Variants in EGFLAM observed in about 807,000 individuals in gnomAD.
EGFLAM encodes the protein pikachurin.
In EGFLAM, 79 loss-of-function variants were observed where a neutral mutation model predicts 113.1. That is an observed-to-expected ratio of 0.70 (90% CI 0.58 to 0.84). The LOEUF (loss-of-function observed/expected upper bound fraction) is 0.84, where lower values mean the gene tolerates loss of function less well. EGFLAM is among the 40% of genes least tolerant of loss of function. The pLI is 0.00. For synonymous variants in EGFLAM, 504 were observed against 487.6 expected (o/e 1.03, Z -0.44); for missense variants, 1,265 against 1,291.6 (o/e 0.98, Z 0.32).
chr5:38,434,998 T>A (rs1366441), intron 15 of EGFLAM, 139 bp from the exon 16 acceptor site: 91,246 of 645,058 alleles, frequency 0.14, 8,309 homozygotes, highest in African/African-American at 0.37. Context: ...AGTGAAGCCC[T>A]TGTGTAGACA....
intron 1 of EGFLAM, among the ~76,000 whole-genome samples, chr5:38,269,492 CT>C (rs372732442): frequency 0.019 from 2,644 of 137,942 alleles, 67 homozygotes; most frequent in African/African-American, 0.061. Context: ...CTTTTCTTTT[CT>C]TTTTTTTTTT....
In EGFLAM at chr5:38,358,666, C is replaced by G. The variant is rs1430434258; in HGVS notation, c.545+6335C>G. 2.0e-5 allele frequency among the ~76,000 whole-genome samples: 3 copies of G among 152,100 alleles called. No individual in the cohort carries two copies. In the East Asian group the frequency reaches 5.8e-4, roughly 29 times the overall value. ...CTCTAGTGTGAGCACTCTGAAGGCGCTCTCAGTAACTGCATCAGAGAAGAG... is the reference window on the plus strand; with the variant it reads ...CTCTAGTGTGAGCACTCTGAAGGCGGTCTCAGTAACTGCATCAGAGAAGAG... On this transcript the variant is annotated intron_variant, in intron 5 of 21. Coordinates refer to ENST00000322350, the MANE Select transcript of EGFLAM (RefSeq NM_152403.4).
chr5:38,448,175 G>A, intron 17 of EGFLAM, 126 bp from the exon 18 acceptor site: 1 of 1,041,586 alleles, frequency 9.6e-7, no homozygotes, highest in East Asian at 2.4e-5. Flanking sequence ...TGCAGCCGAA[G>A]GGAAGGGGCT....
chr5:38,440,022 A>C (rs917467064), intron 17 of EGFLAM, among the ~76,000 whole-genome samples: 1 of 152,240 alleles, frequency 6.6e-6, no homozygotes, highest in African/African-American at 2.4e-5. Context: ...ATTAGTCGTA[A>C]CAGGGATAAA....
chr5:38,358,039 T>G (rs974049188), intron 5 of EGFLAM, among the ~76,000 whole-genome samples: 1 of 149,704 alleles, frequency 6.7e-6, no homozygotes, highest in East Asian at 2.0e-4. Flanking sequence ...TCCCAGCTAC[T>G]CAGGAGGCTG....
chr5:38,396,908 C>T lies in EGFLAM; in HGVS notation c.713-9218C>T, dbSNP rs545250265. Reference sequence around the variant, plus strand: ...CTCTGGCCATCTGCTTGACTTTCCACGGCCCCGTTATCTTTAGAAAGGGAG... The same window carrying T: ...CTCTGGCCATCTGCTTGACTTTCCATGGCCCCGTTATCTTTAGAAAGGGAG... On this transcript the variant is annotated intron_variant, in intron 6 of 21. Coordinates refer to ENST00000322350, the MANE Select transcript of EGFLAM (RefSeq NM_152403.4). Among the ~76,000 whole-genome samples, 7 of 152,262 alleles carry T rather than the reference C, an allele frequency of 4.6e-5. 1 individual carries two copies. The highest frequency in any genetic ancestry group is 4.2e-4 in the South Asian group (2 of 4,812).
At chr5:38,378,030 GT>G (rs1218869565) in intron 6 of EGFLAM, among the ~76,000 whole-genome samples, 1 of 152,164 alleles carries the variant, frequency 6.6e-6, no homozygotes, top group African/African-American at 2.4e-5. Context: ...TATGAGAGAT[GT>G]TTTGTTTTGG....
chr5:38,360,780 A>G (rs1739899034), intron 5 of EGFLAM, among the ~76,000 whole-genome samples: 1 of 152,098 alleles, frequency 6.6e-6, no homozygotes, highest in African/African-American at 2.4e-5. Flanking sequence ...CTGCTTTCCT[A>G]CATAGCCTGC....
chr5:38,263,771 A>G (rs899385340), intron 1 of EGFLAM, among the ~76,000 whole-genome samples: 3 of 152,160 alleles, frequency 2.0e-5, no homozygotes, highest in Non-Finnish European at 4.4e-5. Flanking sequence ...ATTTAGGTCT[A>G]TAATTCATTT....
intron 1 of EGFLAM, among the ~76,000 whole-genome samples, chr5:38,312,177 T>C (rs964684669): frequency 2.0e-5 from 3 of 152,112 alleles, no homozygotes; most frequent in South Asian, 2.1e-4. Flanking sequence ...GTTCAAATCG[T>C]GGTTCCATCA....
chr5:38,388,758 A>T (rs2961887), intron 6 of EGFLAM, among the ~76,000 whole-genome samples: 141,648 of 141,944 alleles, frequency 1, 70,676 homozygotes, highest in Middle Eastern at 1. Flanking sequence ...AGACTCTGTC[A>T]CAAAAAAAAA....
chr5:38,374,770 TA>T (rs1456608282), intron 6 of EGFLAM, among the ~76,000 whole-genome samples: 1 of 152,216 alleles, frequency 6.6e-6, no homozygotes, highest in Non-Finnish European at 1.5e-5. Flanking sequence ...AGTCAAACCA[TA>T]AACTGAATTC....
At chr5:38,450,107 T>C (rs2731979) in intron 18 of EGFLAM, among the ~76,000 whole-genome samples, 44,623 of 152,162 alleles carry the variant, frequency 0.29, 11,460 homozygotes, top group African/African-American at 0.7. Context: ...AAAAGGGATA[T>C]GATTGTGTCT....
intron 6 of EGFLAM, among the ~76,000 whole-genome samples, chr5:38,384,924 C>T (rs1046649347): frequency 6.6e-6 from 1 of 152,046 alleles, no homozygotes; most frequent in African/African-American, 2.4e-5. Flanking sequence ...GGGGAAAGTG[C>T]TACTGGCATT....
intron 18 of EGFLAM, 86 bp downstream of exon 18, chr5:38,448,465 GC>G: frequency 7.3e-7 from 1 of 1,373,876 alleles, no homozygotes; most frequent in Non-Finnish European, 1.0e-6. Context: ...TATATTTCAT[GC>G]CAGAAGATAA....
At chr5:38,393,840 G>T (rs1740880574) in intron 6 of EGFLAM, among the ~76,000 whole-genome samples, 1 of 152,248 alleles carries the variant, frequency 6.6e-6, no homozygotes, top group Non-Finnish European at 1.5e-5. Context: ...TTAGTAGAGG[G>T]TCAGGGTGGC....
At position 38,406,138 on chromosome 5, in the gene EGFLAM, C is replaced by T. The variant is rs750333897; in HGVS notation, c.725C>T (p.Ala242Val). 1.2e-5 allele frequency: 20 copies of T among 1,613,812 alleles called. 1 individual carries two copies. Among genetic ancestry groups the T allele is most frequent in the South Asian group, 1.1e-4 (10 of 91,068 alleles). Residue 242 changes from alanine to valine, a missense_variant, in exon 7 of 22, where the codon GCG becomes GTG. Physicochemically the swap from Ala to Val is moderately conservative, Grantham distance 64. Coordinates refer to ENST00000322350, the MANE Select transcript of EGFLAM (RefSeq NM_152403.4). ...DIIRTLCPEE[A>V]GSGRYGPRYI... ...TTTCTTTGTGAAGGCCCTGAGGAGG[C>T]GGGAAGTGGCCGCTATGGACCCCGT...
chr5:38,258,914 G>A, intron 1 of EGFLAM, 63 bp downstream of exon 1: 2 of 1,526,960 alleles, frequency 1.3e-6, no homozygotes, highest in South Asian at 2.4e-5. Flanking sequence ...TCCGGGGCGA[G>A]GACACAGAGC....
At position 38,414,996 on chromosome 5, in the gene EGFLAM, C is replaced by T. The variant is rs577427108; in HGVS notation, c.1494+2348C>T. On this transcript the variant is annotated intron_variant, in intron 11 of 21. Transcript: ENST00000322350. ...AGGGATGTACCAGGAATCCAACAGCCAGTGAAAGCTTGAATTATAAGAGTT... is the reference window on the plus strand; with the variant it reads ...AGGGATGTACCAGGAATCCAACAGCTAGTGAAAGCTTGAATTATAAGAGTT... Among the ~76,000 whole-genome samples, 14 of 152,240 alleles carry T rather than the reference C, an allele frequency of 9.2e-5. 1 individual carries two copies. The South Asian group carries it at 2.9e-3, about 32-fold the overall frequency.
Sources: gnomAD v4.1 joint callset for allele counts (sites outside exome capture counted in the v4.1 genomes callset) on GRCh38, gnomAD v4.1.1 for gene constraint, MANE v1.5 for transcripts, NCBI Gene and HGNC (gene_info 2026-07-23, HGNC 2026-07-21) for gene names.